ADAMTS18: variants seen among roughly 807,000 people sequenced by gnomAD.
ADAMTS18 encodes the protein ADAM metallopeptidase with thrombospondin type 1 motif 18, also known as A disintegrin and metalloproteinase with thrombospondin motifs 18.
A neutral mutation model predicts 165.9 loss-of-function variants in ADAMTS18; 157 were observed. The ratio of observed to expected loss-of-function variants is 0.95; its 90% CI spans 0.83 to 1.08. The LOEUF (loss-of-function observed/expected upper bound fraction) is 1.08. Ranked by LOEUF, ADAMTS18 falls within the 50% of genes least tolerant of loss-of-function variation. The pLI, the probability that ADAMTS18 is intolerant of heterozygous loss-of-function variation, is 0.00. For synonymous variants in ADAMTS18, 782 were observed against 578.2 expected, an observed-to-expected ratio of 1.35 and a Z score of -5.06; for missense variants, 2,040 against 1,534.0, an observed-to-expected ratio of 1.33 and a Z score of -5.51.
At chr16:77,300,792 C>G (rs1018797129) in intron 16 of ADAMTS18, among the ~76,000 whole-genome samples, 1 of 152,082 alleles carries the variant, frequency 6.6e-6, no homozygotes, top group Non-Finnish European at 1.5e-5. Context: ...CACACATAGT[C>G]GTACCCTACA....
intron 10 of ADAMTS18, among the ~76,000 whole-genome samples, chr16:77,343,131 G>A (rs1453457663): frequency 1.3e-5 from 2 of 148,854 alleles, no homozygotes; most frequent in Non-Finnish European, 3.0e-5. Context: ...GGAGTGCAAT[G>A]GCACCATCTC....
At chr16:77,378,349 AC>A (rs67260623) in intron 3 of ADAMTS18, among the ~76,000 whole-genome samples, 38,351 of 102,556 alleles carry the variant, frequency 0.37, 6,066 homozygotes, top group East Asian at 0.81. Flanking sequence ...ACAAAAAAAA[AC>A]AAAAAAAAAA....
intron 17 of ADAMTS18, 196 bp downstream of exon 17, chr16:77,300,067 C>T (rs2055551363): frequency 1.7e-6 from 1 of 598,352 alleles, no homozygotes; most frequent in Non-Finnish European, 2.9e-6. Context: ...TTGATTTGAG[C>T]TTTGTGAGAG....
intron 3 of ADAMTS18, among the ~76,000 whole-genome samples, chr16:77,422,081 C>G (rs1284148109): frequency 1.3e-5 from 2 of 151,978 alleles, no homozygotes; most frequent in African/African-American, 2.4e-5. Flanking sequence ...AGTGTCCAGC[C>G]AAAAACTATG....
At chr16:77,356,352 C>G (rs111989885) in intron 8 of ADAMTS18, among the ~76,000 whole-genome samples, 2 of 152,078 alleles carry the variant, frequency 1.3e-5, no homozygotes, top group Non-Finnish European at 2.9e-5. Context: ...AAATTTTGCT[C>G]AAGTTAAAAT....
chr16:77,302,725 T>A (rs918868383), intron 16 of ADAMTS18, among the ~76,000 whole-genome samples: 6 of 152,336 alleles, frequency 3.9e-5, no homozygotes, highest in Middle Eastern at 3.4e-3. Context: ...GTTCTGCTGA[T>A]TAAAAAAGTA....
intron 16 of ADAMTS18, among the ~76,000 whole-genome samples, chr16:77,319,297 C>T (rs2055944453): frequency 6.6e-6 from 1 of 152,118 alleles, no homozygotes; most frequent in South Asian, 2.1e-4. Context: ...TCTTGAAACC[C>T]AAGCATATTG....
At chr16:77,414,646 T>A (rs889721865) in intron 3 of ADAMTS18, among the ~76,000 whole-genome samples, 1 of 152,220 alleles carries the variant, frequency 6.6e-6, no homozygotes, top group Admixed American at 6.5e-5. Context: ...AAAAAAGAAA[T>A]AGGAGATTTC....
intron 12 of ADAMTS18, among the ~76,000 whole-genome samples, chr16:77,334,031 A>AATATGTGCTATATATAATATACAGTGCT (rs2056237344): frequency 1.1e-5 from 1 of 94,596 alleles, no homozygotes. Context: ...TATACAGTGC[A>AATATGTGCTATATATAATATACAGTGCT]ATATATGCTA....
chr16:77,345,969 C>G (rs2056469432), intron 10 of ADAMTS18, among the ~76,000 whole-genome samples: 1 of 152,192 alleles, frequency 6.6e-6, no homozygotes, highest in Non-Finnish European at 1.5e-5. Flanking sequence ...ACACTGTATC[C>G]TACCAGTTTA....
chr16:77,411,864 T>A (rs926039370), intron 3 of ADAMTS18, among the ~76,000 whole-genome samples: 1 of 151,798 alleles, frequency 6.6e-6, no homozygotes, highest in African/African-American at 2.4e-5. Context: ...TTTTTTGGTA[T>A]TTTTAATAGA....
intron 3 of ADAMTS18, among the ~76,000 whole-genome samples, chr16:77,372,316 CCA>C (rs1953645091): frequency 6.6e-6 from 1 of 152,204 alleles, no homozygotes; most frequent in African/African-American, 2.4e-5. Flanking sequence ...TATCTGCACT[CCA>C]GTGTTTATTG....
rs1248348077 is a variant in ADAMTS18, at chr16:77,434,545, C to T, written c.91-40G>A. 1.1e-5 allele frequency: 17 copies of T among 1,534,532 alleles called. 1 individual carries two copies. The South Asian group carries it at 1.9e-4, about 17-fold the overall frequency. On this transcript the variant is annotated intron_variant, in intron 1 of 22. Transcript: ENST00000282849. ...GTGACATCGCGCGTGAGGGGCGCGG[C>T]GGGGCTGGCGTCGGGCGCCCCCTGC...
intron 11 of ADAMTS18, 34 bp from the exon 12 acceptor site, chr16:77,335,938 G>C: frequency 6.2e-7 from 1 of 1,613,894 alleles, no homozygotes; most frequent in Non-Finnish European, 8.5e-7. Flanking sequence ...GTTCCCGTCA[G>C]AGACCACCTG....
intron 3 of ADAMTS18, among the ~76,000 whole-genome samples, chr16:77,408,918 A>G (rs761019895): frequency 1.3e-5 from 2 of 152,158 alleles, no homozygotes; most frequent in Non-Finnish European, 2.9e-5. Context: ...TATAAGATAC[A>G]TTGAGAGAAA....
At chr16:77,404,816 A>T (rs917088925) in intron 3 of ADAMTS18, among the ~76,000 whole-genome samples, 5 of 152,170 alleles carry the variant, frequency 3.3e-5, no homozygotes, top group Non-Finnish European at 5.9e-5. Context: ...GAAGTTCCTT[A>T]TCTACTAGGA....
At chr16:77,387,816 C>G (rs527586339) in intron 3 of ADAMTS18, among the ~76,000 whole-genome samples, 48 of 152,336 alleles carry the variant, frequency 3.2e-4, no homozygotes, top group African/African-American at 1.1e-3. Flanking sequence ...GTGAGTAAAG[C>G]AACCTTTTCT....
chr16:77,400,919 A>G lies in ADAMTS18; in HGVS notation c.495+30376T>C, dbSNP rs568083028. On this transcript the variant is annotated intron_variant, in intron 3 of 22. Coordinates refer to ENST00000282849, the MANE Select transcript of ADAMTS18 (RefSeq NM_199355.4). ...TGCTTCCTGGGATCACCTCCCAAAT[A>G]AACTACCTGCACCCAAAATTCTTAT... 8.8e-5 allele frequency among the ~76,000 whole-genome samples: 13 copies of G among 147,642 alleles called. No homozygotes were observed. The East Asian group carries it at 2.5e-3, about 29-fold the overall frequency.
At chr16:77,414,099 G>A (rs897427425) in intron 3 of ADAMTS18, among the ~76,000 whole-genome samples, 2 of 152,156 alleles carry the variant, frequency 1.3e-5, no homozygotes, top group African/African-American at 2.4e-5. Flanking sequence ...CAGAACCAAC[G>A]TAAGTATATA....
Sources: allele counts gnomAD v4.1 joint callset (sites outside exome capture counted in the v4.1 genomes callset), GRCh38; gene constraint gnomAD v4.1.1; transcripts MANE v1.5; gene names NCBI Gene and HGNC (gene_info 2026-07-23, HGNC 2026-07-21).